Variants in TMEM14B observed in about 807,000 individuals in gnomAD.
TMEM14B encodes the protein transmembrane protein 14B.
In TMEM14B, 9 loss-of-function variants were observed where a neutral mutation model predicts 14.8. The ratio of observed to expected loss-of-function variants is 0.61; its 90% confidence interval spans 0.37 to 1.06. TMEM14B has a LOEUF of 1.06. TMEM14B is among the 50% of genes least tolerant of loss of function. The pLI, the probability that TMEM14B is intolerant of heterozygous loss-of-function variation, is 0.01. For synonymous variants in TMEM14B, 40 were observed against 51.3 expected (o/e 0.78, Z 0.94); for missense variants, 128 against 143.6 (o/e 0.89, Z 0.56).
chr6:10,757,223 A>C (rs1444354053), downstream of TMEM14B, among the ~76,000 whole-genome samples: 1 of 152,196 alleles, frequency 6.6e-6, no homozygotes, highest in Admixed American at 6.5e-5. Context: ...GCTGGAGGGC[A>C]GTGGTACAAT....
At chr6:10,749,832 C>G in intron 3 of TMEM14B, 134 bp downstream of exon 3, 1 of 1,002,032 alleles carries the variant, frequency 1.0e-6, no homozygotes, top group Admixed American at 1.8e-5. Flanking sequence ...TGCAGGCTTC[C>G]TTGTCAGTCT....
In TMEM14B at chr6:10,755,196, GA is replaced by G. The variant is rs1323567845; in HGVS notation, c.261del (p.Lys87AsnfsTer5). On this transcript the variant is annotated frameshift_variant, in exon 5 of 6. Coordinates refer to ENST00000379542, the MANE Select transcript of TMEM14B (RefSeq NM_030969.5). LOFTEE classifies it high-confidence loss of function. ...ATGGGAATGAGATCCTACTACTATG[GA>G]AAATTCATGCCTGTAGGTTTAATTG... ...GVMGMRSYYY[G>X]KFMPVGLIAG... is the part of the protein sequence containing the mutation. The G allele has an allele frequency of 6.8e-6, 11 of 1,614,028 alleles. No individual in the cohort carries two copies. The highest frequency in any genetic ancestry group is 1.6e-4 in the Middle Eastern group (1 of 6,072).
Position 10,748,441 on chromosome 6 carries a change from A to G in TMEM14B, c.-45+560A>G, listed in dbSNP as rs574495832. ...GTGTGTGTGTGTGTTTTAATAGAAT[A>G]TGGGTTTCACCATGTTGACCAAGCT... On this transcript the variant is annotated intron_variant, in intron 1 of 5. Transcript: ENST00000379542. Among the ~76,000 whole-genome samples the G allele has an allele frequency of 1.4e-3, 211 of 151,962 alleles. 3 individuals are homozygous for G. The highest frequency in any genetic ancestry group is 1.9e-4 in the Non-Finnish European group (13 of 67,978).
intron 3 of TMEM14B, among the ~76,000 whole-genome samples, chr6:10,750,878 G>A (rs1307672667): frequency 1.3e-5 from 2 of 152,008 alleles, no homozygotes; most frequent in African/African-American, 4.8e-5. Context: ...TCTAAGGAGG[G>A]AAGATGGCCT....
chr6:10,750,039 A>C, intron 3 of TMEM14B: 1 of 321,778 alleles, frequency 3.1e-6, no homozygotes, highest in South Asian at 3.5e-5. Flanking sequence ...TGGCCTACAC[A>C]GACTGGTATT....
intron 5 of TMEM14B, chr6:10,755,591 A>C (rs1438340502): frequency 8.0e-7 from 1 of 1,255,470 alleles, no homozygotes; most frequent in Admixed American, 3.8e-5. Flanking sequence ...TTTTGCTAAA[A>C]GGAAATTTTG....
chr6:10,751,663 G>A (rs1261084425), intron 4 of TMEM14B, among the ~76,000 whole-genome samples: 2 of 152,044 alleles, frequency 1.3e-5, no homozygotes, highest in Admixed American at 6.6e-5. Flanking sequence ...AAAATATCAC[G>A]TATCTGGGTT....
chr6:10,749,482 G>C (rs534951872), intron 2 of TMEM14B, 140 bp from the exon 3 acceptor site: 21 of 1,162,984 alleles, frequency 1.8e-5, no homozygotes, highest in East Asian at 4.7e-5. Context: ...CCTCTGTGGT[G>C]CTTATTTTCA....
intron 1 of TMEM14B, 47 bp from the exon 2 acceptor site, chr6:10,749,155 G>A (rs886132627): frequency 3.0e-6 from 4 of 1,328,052 alleles, no homozygotes; most frequent in Non-Finnish European, 4.3e-6. Context: ...TCTGACTGCT[G>A]GGGAGCTGTG....
intron 3 of TMEM14B, chr6:10,750,015 T>C (rs75693540): frequency 0.011 from 4,392 of 418,016 alleles, 97 homozygotes; most frequent in African/African-American, 0.06. Context: ...TGGGCTTAAG[T>C]AGGAGTCAAC....
chr6:10,751,899 T>C (rs1001293856), intron 4 of TMEM14B, among the ~76,000 whole-genome samples: 4 of 151,762 alleles, frequency 2.6e-5, no homozygotes, highest in Non-Finnish European at 4.4e-5. Flanking sequence ...ATCAGAGTGG[T>C]TTTCAGTACA....
intron 4 of TMEM14B, among the ~76,000 whole-genome samples, chr6:10,752,290 T>G (rs1289459793): frequency 6.6e-6 from 1 of 151,870 alleles, no homozygotes; most frequent in Admixed American, 6.6e-5. Flanking sequence ...TTCCCTCCTT[T>G]CCAACACCAG....
downstream of TMEM14B, among the ~76,000 whole-genome samples, chr6:10,757,503 G>GT (rs1338889862): frequency 5.9e-5 from 9 of 151,868 alleles, no homozygotes; most frequent in African/African-American, 1.9e-4. Context: ...GAAAAAAAGT[G>GT]GTTTTTTTTG....
At position 10,751,251 on chromosome 6, in the gene TMEM14B, G is replaced by T; in HGVS notation, c.202+17G>T. On this transcript the variant is annotated intron_variant, in intron 4 of 5. Transcript: ENST00000379542. ...GTTTCCTAGGTATGTCTGCTTCAGC[G>T]TCTCCTTAGGGCAATCATGTATCTG... is the stretch of plus-strand genomic sequence containing the variant. 6.2e-7 allele frequency: 1 copy of T among 1,613,060 alleles called. No homozygotes were observed. The highest frequency in any genetic ancestry group is 1.3e-5 in the African/African-American group (1 of 74,802).
At chr6:10,758,657 G>C (rs9393638), downstream of TMEM14B, among the ~76,000 whole-genome samples, 2 of 151,304 alleles carry the variant, frequency 1.3e-5, no homozygotes, top group Non-Finnish European at 2.9e-5. Flanking sequence ...ATATTACTGT[G>C]GGGGCACAAG....
In TMEM14B at chr6:10,749,205, C is replaced by T; in HGVS notation, c.-41C>T. The T allele has an allele frequency of 6.2e-7, 1 of 1,610,256 alleles. No homozygotes were observed. Among genetic ancestry groups the T allele is most frequent in the Non-Finnish European group, 8.5e-7 (1 of 1,176,926 alleles). On this transcript the variant is annotated 5_prime_UTR_variant, in exon 2 of 6. It introduces an in-frame stop codon into an upstream open reading frame of the 5' UTR. Transcript: ENST00000379542. ...TGATCCGGCTTGTTTTCCCCAGATG[C>T]AGGCCTGGGGTAGTCTCCTTTCTGG...
At chr6:10,751,032 A>G (rs1771532993) in intron 3 of TMEM14B, 101 bp from the exon 4 acceptor site, 11 of 1,399,194 alleles carry the variant, frequency 7.9e-6, no homozygotes, top group Non-Finnish European at 9.9e-6. Context: ...CTGTGTTGAG[A>G]GTTCTTTGTG....
intron 1 of TMEM14B, among the ~76,000 whole-genome samples, chr6:10,748,727 G>A (rs1581609500): frequency 6.6e-6 from 1 of 152,100 alleles, no homozygotes; most frequent in East Asian, 1.9e-4. Flanking sequence ...CCCTCCTAAC[G>A]AGAACTGTGA....
chr6:10,750,402 G>T (rs546322386), intron 3 of TMEM14B, among the ~76,000 whole-genome samples: 1 of 134,922 alleles, frequency 7.4e-6, no homozygotes, highest in South Asian at 2.3e-4. Context: ...TGAAGAAGGG[G>T]CTAGATTTTC....
Sources: allele counts gnomAD v4.1 joint callset (sites outside exome capture counted in the v4.1 genomes callset), GRCh38; gene constraint gnomAD v4.1.1; transcripts MANE v1.5; gene names NCBI Gene and HGNC (gene_info 2026-07-23, HGNC 2026-07-21).